The following ADAM32 variants were observed in gnomAD, a reference collection of about 807,000 sequenced individuals.
The protein encoded by ADAM32 is disintegrin and metalloproteinase domain-containing protein 32.
In ADAM32, 89 loss-of-function variants were observed where a neutral mutation model predicts 114.9. The observed-to-expected ratio is 0.77, with a 90% CI of 0.65 to 0.92. The LOEUF (loss-of-function observed/expected upper bound fraction) is 0.92. Ranked by LOEUF, ADAM32 falls within the 40% of genes least tolerant of loss-of-function variation. The pLI is 0.00. For missense variants in ADAM32, 870 were observed against 932.8 expected, an observed-to-expected ratio of 0.93 and a Z score of 0.88; for synonymous variants, 285 against 307.5, an observed-to-expected ratio of 0.93 and a Z score of 0.77.
intron 3 of ADAM32, among the ~76,000 whole-genome samples, chr8:39,139,894 C>T (rs1351981239): frequency 2.6e-5 from 4 of 152,096 alleles, no homozygotes; most frequent in African/African-American, 9.7e-5. Flanking sequence ...CTTCACATCC[C>T]TTGTAAGTTG....
intron 1 of ADAM32, among the ~76,000 whole-genome samples, chr8:39,108,659 A>G (rs1215449055): frequency 6.6e-6 from 1 of 152,200 alleles, no homozygotes; most frequent in Non-Finnish European, 1.5e-5. Context: ...AGAGAAGGAA[A>G]AAAATACGGG....
chr8:39,271,071 A>G (rs936842919), intron 20 of ADAM32, among the ~76,000 whole-genome samples, 157 bp downstream of exon 20: 2 of 152,228 alleles, frequency 1.3e-5, no homozygotes, highest in Non-Finnish European at 2.9e-5. Context: ...GTTTCTAATA[A>G]ATTAGTCCTT....
rs536041399 is a variant in ADAM32 at position 39,180,450 on chromosome 8, C to T, written c.916-6459C>T. Among the ~76,000 whole-genome samples the T allele has an allele frequency of 2.7e-3, 404 of 152,350 alleles. 1 individual carries two copies. Among genetic ancestry groups the T allele is most frequent in the Non-Finnish European group, 5.1e-3 (344 of 68,028 alleles). ...TCCTTTGCGGCCCGAGCCTCCCCGA[C>T]GAGCGCTGCCCCCTGCTCCACGGCG... On this transcript the variant is annotated intron_variant, in intron 10 of 24. Transcript: ENST00000379907.
chr8:39,145,225 C>CAAATTG (rs1199885840), intron 3 of ADAM32, among the ~76,000 whole-genome samples: 1 of 152,118 alleles, frequency 6.6e-6, no homozygotes, highest in Non-Finnish European at 1.5e-5. Context: ...AATGTCCATA[C>CAAATTG]TGTCCAAATT....
intron 1 of ADAM32, among the ~76,000 whole-genome samples, chr8:39,109,279 C>T (rs141139179): frequency 3.3e-5 from 5 of 152,210 alleles, no homozygotes; most frequent in East Asian, 1.9e-4. Context: ...TGGTGGCTCA[C>T]GCCTGTAATC....
At chr8:39,228,342 A>G (rs1809527923) in intron 14 of ADAM32, among the ~76,000 whole-genome samples, 2 of 152,198 alleles carry the variant, frequency 1.3e-5, no homozygotes. Context: ...CCCTTGATTT[A>G]CCTGAAAAAG....
intron 1 of ADAM32, among the ~76,000 whole-genome samples, chr8:39,110,024 A>G (rs949310139): frequency 1.3e-5 from 2 of 151,946 alleles, no homozygotes; most frequent in Non-Finnish European, 2.9e-5. Context: ...AATAATATGC[A>G]TTTAAGGTTC....
At chr8:39,264,148 A>ACATGTT (rs1812211599) in intron 19 of ADAM32, among the ~76,000 whole-genome samples, 1 of 152,068 alleles carries the variant, frequency 6.6e-6, no homozygotes, top group African/African-American at 2.4e-5. Context: ...TTCAGGGGGT[A>ACATGTT]CATGTTCATG....
chr8:39,137,900 A>G (rs559452764), intron 3 of ADAM32, among the ~76,000 whole-genome samples: 1 of 152,330 alleles, frequency 6.6e-6, no homozygotes, highest in African/African-American at 2.4e-5. Context: ...TAACGCAAAG[A>G]TCTTTGTGAA....
Position 39,233,518 on chromosome 8 carries a change from TG to T in ADAM32, c.1635-379del, listed in dbSNP as rs1366275897. Among the ~76,000 whole-genome samples the T allele has an allele frequency of 2.6e-5, 4 of 152,288 alleles. No homozygotes were observed. The East Asian group carries it at 7.7e-4, about 29-fold the overall frequency. On this transcript the variant is annotated intron_variant, in intron 15 of 24. Coordinates refer to ENST00000379907, the MANE Select transcript of ADAM32 (RefSeq NM_145004.7). The stretch of plus-strand genomic sequence containing the variant: ...CATCTTGGTTTTGGTAAAATTTGAC[TG>T]GCCTCTTTATCTTAATGCTGTTTTA...
chr8:39,168,478 A>G, intron 9 of ADAM32: 1 of 152,200 alleles, frequency 6.6e-6, no homozygotes, highest in South Asian at 2.1e-4. Flanking sequence ...TGCATTCATG[A>G]TAAACAGTTT....
intron 10 of ADAM32, among the ~76,000 whole-genome samples, chr8:39,171,036 C>T (rs1207277646): frequency 1.3e-5 from 2 of 152,104 alleles, no homozygotes; most frequent in South Asian, 2.1e-4. Flanking sequence ...AAGGTTCAAG[C>T]GATTCTCATG....
intron 11 of ADAM32, among the ~76,000 whole-genome samples, chr8:39,194,975 C>T (rs562306568): frequency 1.7e-4 from 26 of 152,302 alleles, no homozygotes; most frequent in African/African-American, 5.5e-4. Flanking sequence ...GGGCTCTCCT[C>T]CTGCTGGGAT....
At chr8:39,201,996 A>C in intron 11 of ADAM32, among the ~76,000 whole-genome samples, 1 of 152,216 alleles carries the variant, frequency 6.6e-6, no homozygotes, top group Non-Finnish European at 1.5e-5. Context: ...CATGGTGGAT[A>C]AGCTTTTTGA....
intron 18 of ADAM32, among the ~76,000 whole-genome samples, chr8:39,256,630 A>G (rs76691634): frequency 0.054 from 8,152 of 152,034 alleles, 752 homozygotes; most frequent in African/African-American, 0.19. Flanking sequence ...TCTTCTCCTC[A>G]TGGAGTTTAG....
At chr8:39,223,420 G>A (rs1306909306) in intron 14 of ADAM32, 182 bp downstream of exon 14, 1 of 296,878 alleles carries the variant, frequency 3.4e-6, no homozygotes, top group Non-Finnish European at 5.9e-6. Context: ...ATAAAATGTG[G>A]AATATATATA....
At chr8:39,142,063 T>A (rs1369171976) in intron 3 of ADAM32, among the ~76,000 whole-genome samples, 2 of 152,192 alleles carry the variant, frequency 1.3e-5, no homozygotes, top group African/African-American at 4.8e-5. Flanking sequence ...TCTTCCTCCA[T>A]CCCTTTATTT....
chr8:39,211,417 C>A, intron 12 of ADAM32, 93 bp downstream of exon 12: 2 of 1,207,900 alleles, frequency 1.7e-6, no homozygotes, highest in Non-Finnish European at 2.2e-6. Flanking sequence ...TGAATGAGTA[C>A]CATGCAGAAT....
At chr8:39,169,666 C>G in intron 9 of ADAM32, 1 of 307,196 alleles carries the variant, frequency 3.3e-6, no homozygotes, top group South Asian at 9.4e-5. Flanking sequence ...GTGATGAGAA[C>G]ACTAAAGGCA....
Sources: gnomAD v4.1 joint callset for allele counts (sites outside exome capture counted in the v4.1 genomes callset) on GRCh38, gnomAD v4.1.1 for gene constraint, MANE v1.5 for transcripts, NCBI Gene and HGNC (gene_info 2026-07-23, HGNC 2026-07-21) for gene names.